The following ARHGAP15 variants were observed in gnomAD, a reference collection of about 807,000 sequenced individuals.
ARHGAP15 encodes Rho GTPase activating protein 15, also known as rho GTPase-activating protein 15.
Under a neutral mutation model 63.7 loss-of-function variants are expected in ARHGAP15, and 51 were observed. The ratio of observed to expected loss-of-function variants is 0.80; its 90% CI spans 0.64 to 1.01. The LOEUF (loss-of-function observed/expected upper bound fraction) is 1.01. ARHGAP15 is among the 50% of genes least tolerant of loss of function. The pLI is 0.00. For missense variants in ARHGAP15, 560 were observed against 564.6 expected (o/e 0.99, Z 0.08); for synonymous variants, 191 against 193.8 (o/e 0.99, Z 0.12).
chr2:143,739,095 C>G (rs1395196227), intron 13 of ARHGAP15, among the ~76,000 whole-genome samples: 2 of 152,094 alleles, frequency 1.3e-5, no homozygotes, highest in East Asian at 3.9e-4. Context: ...GCAGAGAAGA[C>G]TGACCCAGTG....
intron 5 of ARHGAP15, among the ~76,000 whole-genome samples, chr2:143,246,678 G>A (rs554622978): frequency 8.5e-5 from 13 of 152,150 alleles, no homozygotes; most frequent in Middle Eastern, 3.4e-3. Flanking sequence ...GGCAGGTGGA[G>A]GGGGTGGTTG....
intron 8 of ARHGAP15, among the ~76,000 whole-genome samples, chr2:143,470,829 C>T (rs184114755): frequency 2.0e-4 from 29 of 148,646 alleles, no homozygotes; most frequent in African/African-American, 6.7e-4. Flanking sequence ...CAAACAGTTT[C>T]GCATATATAT....
Position 143,768,352 on chromosome 2 carries a change from A to G in ARHGAP15, c.*180A>G. Reference sequence around the variant, plus strand: ...ACATTTGAATAAAATAATTGACAATATTTGCCTCTATGTGTTCTACATTAA... The same window carrying G: ...ACATTTGAATAAAATAATTGACAATGTTTGCCTCTATGTGTTCTACATTAA... On this transcript the variant is annotated 3_prime_UTR_variant, in exon 14 of 14. Transcript: ENST00000295095. 1 of 655,716 alleles carries G rather than the reference A, an allele frequency of 1.5e-6. No homozygotes were observed. The highest frequency in any genetic ancestry group is 3.0e-5 in the Admixed American group (1 of 33,330). 40.6% of individuals were successfully genotyped at this position (655,716 alleles called of 1,614,324 possible). A position where few individuals can be genotyped will look rare whatever the true frequency, so the allele number is the denominator to read the frequency against.
chr2:143,311,807 T>C lies in ARHGAP15; in HGVS notation c.474+61207T>C, dbSNP rs566896409. On this transcript the variant is annotated intron_variant, in intron 6 of 13. Transcript: ENST00000295095. The stretch of plus-strand genomic sequence containing the variant: ...TGGATCTGCCTGCAAAGAAAAGAGA[T>C]ACAAAGATGGCAAACCGGTTCAACA... 8.5e-5 allele frequency among the ~76,000 whole-genome samples: 13 copies of C among 152,228 alleles called. 1 individual carries two copies. Among genetic ancestry groups the C allele is most frequent in the Middle Eastern group, 3.4e-3 (1 of 294 alleles).
chr2:143,251,627 TC>T (rs1680162286), intron 6 of ARHGAP15, among the ~76,000 whole-genome samples: 1 of 152,070 alleles, frequency 6.6e-6, no homozygotes, highest in South Asian at 2.1e-4. Context: ...CTTTTCTGGT[TC>T]TAGTTTTATT....
chr2:143,359,294 CCATCTTGCAA>C (rs1367064858), intron 6 of ARHGAP15, among the ~76,000 whole-genome samples: 2 of 152,130 alleles, frequency 1.3e-5, no homozygotes, highest in Non-Finnish European at 2.9e-5. Flanking sequence ...CTTCCTTACT[CCATCTTGCAA>C]CATCTACATT....
intron 8 of ARHGAP15, among the ~76,000 whole-genome samples, chr2:143,464,830 C>G (rs1574485298): frequency 6.6e-6 from 1 of 152,122 alleles, no homozygotes; most frequent in East Asian, 1.9e-4. Flanking sequence ...TCTTTGGATT[C>G]CTACATTCCC....
chr2:143,202,066 A>T, intron 2 of ARHGAP15, 68 bp from the exon 3 acceptor site: 1 of 1,174,320 alleles, frequency 8.5e-7, no homozygotes, highest in Non-Finnish European at 1.3e-6. Flanking sequence ...TGGTTATTTT[A>T]TGTGTATTCT....
chr2:143,138,479 T>A (rs1178563650), intron 1 of ARHGAP15, among the ~76,000 whole-genome samples: 1 of 152,130 alleles, frequency 6.6e-6, no homozygotes, highest in Non-Finnish European at 1.5e-5. Context: ...AATCCTACTT[T>A]GTTTGATGTC....
intron 12 of ARHGAP15, among the ~76,000 whole-genome samples, chr2:143,690,348 A>C (rs1683540280): frequency 1.3e-5 from 2 of 152,222 alleles, no homozygotes; most frequent in Non-Finnish European, 2.9e-5. Flanking sequence ...ACCAGATGCC[A>C]TTTAAAACCA....
chr2:143,435,825 T>C (rs1227036145), intron 7 of ARHGAP15, 126 bp downstream of exon 7: 8 of 959,312 alleles, frequency 8.3e-6, no homozygotes, highest in Non-Finnish European at 1.2e-5. Flanking sequence ...TTAAGTTCTT[T>C]TAGTTTAAAT....
At chr2:143,657,511 C>T (rs1681518001) in intron 12 of ARHGAP15, among the ~76,000 whole-genome samples, 1 of 152,138 alleles carries the variant, frequency 6.6e-6, no homozygotes, top group African/African-American at 2.4e-5. Flanking sequence ...AGATTTCTTC[C>T]TGGAATTTAT....
intron 12 of ARHGAP15, among the ~76,000 whole-genome samples, chr2:143,652,259 G>A (rs1294739142): frequency 6.6e-6 from 1 of 151,894 alleles, no homozygotes; most frequent in Admixed American, 6.6e-5. Flanking sequence ...AGGCCATATG[G>A]TTTCTTTTGT....
chr2:143,248,977 C>T (rs1242918361), intron 5 of ARHGAP15, among the ~76,000 whole-genome samples: 2 of 151,992 alleles, frequency 1.3e-5, no homozygotes, highest in African/African-American at 4.8e-5. Context: ...TCTGAGTATC[C>T]CCTAATGTAA....
intron 6 of ARHGAP15, among the ~76,000 whole-genome samples, chr2:143,336,650 T>A (rs538179260): frequency 7.2e-5 from 11 of 152,264 alleles, no homozygotes; most frequent in African/African-American, 2.6e-4. Flanking sequence ...CCCAGGGAAC[T>A]ACCCTGTAGT....
At chr2:143,431,876 A>G (rs1689404196) in intron 6 of ARHGAP15, among the ~76,000 whole-genome samples, 1 of 151,978 alleles carries the variant, frequency 6.6e-6, no homozygotes, top group African/African-American at 2.4e-5. Flanking sequence ...TTATTCTGCA[A>G]TCAGAAGGGT....
At chr2:143,476,129 G>T (rs1298564107) in intron 8 of ARHGAP15, among the ~76,000 whole-genome samples, 1 of 152,182 alleles carries the variant, frequency 6.6e-6, no homozygotes, top group Non-Finnish European at 1.5e-5. Flanking sequence ...CTTGTATACA[G>T]TAAACTTGGG....
intron 8 of ARHGAP15, among the ~76,000 whole-genome samples, chr2:143,482,261 GA>G (rs147731011): frequency 1.2e-3 from 182 of 147,082 alleles, no homozygotes; most frequent in African/African-American, 4.2e-3. Flanking sequence ...AGTGGGAATG[GA>G]AAAAAAAAAC....
rs900447776 is a variant in ARHGAP15 at position 143,161,292 on chromosome 2, T to C, written c.165+5637T>C. ...ACAGGCTATTCATAGAGTAATTAGC[T>C]AGAATGCTCAATGACCTGTGAGAGA... On this transcript the variant is annotated intron_variant, in intron 2 of 13. Transcript: ENST00000295095. Among the ~76,000 whole-genome samples, 33 of 151,958 alleles carry C rather than the reference T, an allele frequency of 2.2e-4. 1 individual carries two copies. Among genetic ancestry groups the C allele is most frequent in the Non-Finnish European group, 1.6e-4 (11 of 67,932 alleles).
Sources: allele counts gnomAD v4.1 joint callset (sites outside exome capture counted in the v4.1 genomes callset), GRCh38; gene constraint gnomAD v4.1.1; transcripts MANE v1.5; gene names NCBI Gene and HGNC (gene_info 2026-07-23, HGNC 2026-07-21).